L3MBTL1: variants seen among roughly 807,000 people sequenced by gnomAD.
The protein encoded by L3MBTL1 is lethal(3)malignant brain tumor-like protein 1.
In L3MBTL1, 75 loss-of-function variants were observed where a neutral mutation model predicts 105.3. That is an observed-to-expected ratio of 0.71 (90% CI 0.59 to 0.86). The LOEUF is 0.86. Ranked by LOEUF, L3MBTL1 falls within the 40% of genes least tolerant of loss-of-function variation. The pLI, the probability that L3MBTL1 is intolerant of heterozygous loss-of-function variation, is 0.00. For synonymous variants in L3MBTL1, 452 were observed against 436.2 expected, an observed-to-expected ratio of 1.04 and a Z score of -0.45; for missense variants, 1,069 against 1,126.4, an observed-to-expected ratio of 0.95 and a Z score of 0.73.
chr20:43,515,684 T>C (rs2018353512), intron 6 of L3MBTL1: 1 of 478,460 alleles, frequency 2.1e-6, no homozygotes, highest in Non-Finnish European at 3.8e-6. Context: ...CCAAAGTACA[T>C]GTGCAGGCAG....
At chr20:43,526,772 G>C (rs973523741) in intron 7 of L3MBTL1, among the ~76,000 whole-genome samples, 2 of 152,160 alleles carry the variant, frequency 1.3e-5, no homozygotes, top group Non-Finnish European at 2.9e-5. Flanking sequence ...CCAACATGGT[G>C]AAACCCCGTC....
At chr20:43,537,314 G>A (rs1472937928) in intron 19 of L3MBTL1, among the ~76,000 whole-genome samples, 1 of 152,204 alleles carries the variant, frequency 6.6e-6, no homozygotes, top group African/African-American at 2.4e-5. Flanking sequence ...GTGTTGGCAG[G>A]CTTGATTTCT....
At chr20:43,521,175 C>T (rs964458748) in intron 7 of L3MBTL1, among the ~76,000 whole-genome samples, 9 of 152,190 alleles carry the variant, frequency 5.9e-5, no homozygotes, top group African/African-American at 2.2e-4. Context: ...ATAGGAGAGG[C>T]AAACACACAA....
In L3MBTL1 at chr20:43,514,629, C is replaced by T. The variant is rs1568917738; in HGVS notation, c.361-6C>T. ...GTCGCAATCCTCAGACCCTCCCGCGCTCCAGTTCCGGATAAGCGAGTATAA... is the reference window on the plus strand; with the variant it reads ...GTCGCAATCCTCAGACCCTCCCGCGTTCCAGTTCCGGATAAGCGAGTATAA... On this transcript the variant is annotated splice_region_variant and splice_polypyrimidine_tract_variant and intron_variant, in intron 3 of 21. Transcript: ENST00000418998. The T allele has an allele frequency of 6.3e-7, 1 of 1,598,498 alleles. No homozygotes were observed. The highest frequency in any genetic ancestry group is 1.7e-5 in the Admixed American group (1 of 57,830).
At chr20:43,530,737 G>C in intron 10 of L3MBTL1, 61 bp from the exon 11 acceptor site, 1 of 1,466,582 alleles carries the variant, frequency 6.8e-7, no homozygotes, top group Non-Finnish European at 9.5e-7. Flanking sequence ...TCACTGTGGG[G>C]TGCCCTTGCT....
intron 7 of L3MBTL1, among the ~76,000 whole-genome samples, chr20:43,518,509 A>G (rs2018523178): frequency 6.6e-6 from 1 of 152,092 alleles, no homozygotes; most frequent in South Asian, 2.1e-4. Context: ...GTGAATGATG[A>G]TTTTCTAACA....
At position 43,547,379 on chromosome 20, in the gene L3MBTL1, C is replaced by T. The variant is rs565065863; in HGVS notation, c.2125-732C>T. On this transcript the variant is annotated intron_variant, in intron 18 of 18. Coordinates refer to the L3MBTL1 transcript ENST00000422861. ...TCTGCCTCCCAAAGTGCTGGGATTA[C>T]AGGCGTGAGCCACCGCGCCCGGCCA... Among the ~76,000 whole-genome samples the T allele has an allele frequency of 2.2e-4, 34 of 152,344 alleles. No individual in the cohort carries two copies. In the South Asian group the frequency reaches 3.1e-3, roughly 14 times the overall value.
At chr20:43,534,599 C>T (rs2019510089) in intron 15 of L3MBTL1, 2 of 609,562 alleles carry the variant, frequency 3.3e-6, no homozygotes, top group Non-Finnish European at 5.8e-6. Context: ...GTAAAATGGG[C>T]CTAATAATCC....
At chr20:43,519,804 T>C (rs925105253) in intron 7 of L3MBTL1, among the ~76,000 whole-genome samples, 1 of 152,202 alleles carries the variant, frequency 6.6e-6, no homozygotes, top group Non-Finnish European at 1.5e-5. Flanking sequence ...CTTGGTTTTT[T>C]GTTTTTTCTA....
At chr20:43,509,714 G>C (rs575586100) in intron 1 of L3MBTL1, among the ~76,000 whole-genome samples, 126 of 152,316 alleles carry the variant, frequency 8.3e-4, no homozygotes, top group African/African-American at 3.0e-3. Context: ...CTGGAAAAGA[G>C]GCAGCGAACC....
chr20:43,533,892 G>C, intron 13 of L3MBTL1, 116 bp from the exon 14 acceptor site: 1 of 758,536 alleles, frequency 1.3e-6, no homozygotes, highest in East Asian at 2.4e-5. Flanking sequence ...GGTGATGGTG[G>C]GAGAGATTCT....
At position 43,514,643 on chromosome 20, in the gene L3MBTL1, A is replaced by G; in HGVS notation, c.369A>G (p.Ile123Met). ...PPPGGGLRFR[I>M]SEYKPLNMAG... ...ACCCTCCCGCGCTCCAGTTCCGGAT[A>G]AGCGAGTATAAGCCGCTGAACATGG... The change falls in exon 4 of 22, where the codon ATA becomes ATG. Residue 123 changes from isoleucine (I) to methionine (M), a missense_variant. Transcript: ENST00000418998. 1 of 1,597,506 alleles carries G rather than the reference A, an allele frequency of 6.3e-7. No homozygotes were observed. Among genetic ancestry groups the G allele is most frequent in the Non-Finnish European group, 8.5e-7 (1 of 1,172,144 alleles).
At chr20:43,546,321 A>G (rs1267768978), downstream of L3MBTL1, among the ~76,000 whole-genome samples, 1 of 152,212 alleles carries the variant, frequency 6.6e-6, no homozygotes, top group African/African-American at 2.4e-5. Context: ...CCTGAGCTGC[A>G]TGAGTCATGT....
chr20:43,527,805 C>CG (rs2145437926), intron 7 of L3MBTL1, among the ~76,000 whole-genome samples: 1 of 152,064 alleles, frequency 6.6e-6, no homozygotes, highest in East Asian at 1.9e-4. Flanking sequence ...CTGCAGCCTC[C>CG]GCCTCCTGGA....
At chr20:43,521,354 A>G (rs950332902) in intron 7 of L3MBTL1, among the ~76,000 whole-genome samples, 7 of 152,174 alleles carry the variant, frequency 4.6e-5, no homozygotes, top group East Asian at 1.9e-4. Flanking sequence ...TTAATTATCT[A>G]TACTGAGATA....
chr20:43,541,714 T>G lies in L3MBTL1; in HGVS notation c.*586T>G, dbSNP rs1461570383. ...GGTTTCTGTATATGTTCCACTATAA[T>G]CTTATGGGACCATGGTTTTAAATGT... is the stretch of plus-strand genomic sequence containing the variant. On this transcript the variant is annotated 3_prime_UTR_variant, in exon 22 of 22. Transcript: ENST00000418998. 1.3e-5 allele frequency: 9 copies of G among 681,320 alleles called. No homozygotes were observed. The highest frequency in any genetic ancestry group is 1.6e-5 in the Non-Finnish European group (9 of 550,908). 42.2% of individuals were successfully genotyped at this position (681,320 alleles called of 1,614,324 possible).
intron 11 of L3MBTL1, chr20:43,531,188 C>T (rs574672958): frequency 8.0e-5 from 27 of 337,966 alleles, no homozygotes; most frequent in African/African-American, 5.5e-4. Flanking sequence ...TGTCATTGCT[C>T]ATATATTCTT....
In L3MBTL1 at chr20:43,529,338, G is replaced by A. The variant is rs371655802; in HGVS notation, c.1026G>A (p.Pro342=). 68 of 1,612,832 alleles carry A rather than the reference G, an allele frequency of 4.2e-5. No homozygotes were observed. Among genetic ancestry groups the A allele is most frequent in the Admixed American group, 1.5e-4 (9 of 59,930 alleles). ...TGGAAGGCATTGACCCTCAACACCC[G>A]TCCATGTACTTCATCCTCACCGTGG... ...MKLEGIDPQH[P]SMYFILTVAE... Residue 342 remains proline (P), a synonymous_variant, in exon 9 of 22, where the codon CCG becomes CCA. Transcript: ENST00000418998.
chr20:43,516,780 T>G (rs6073117), intron 7 of L3MBTL1, among the ~76,000 whole-genome samples: 36,102 of 151,896 alleles, frequency 0.24, 4,465 homozygotes, highest in East Asian at 0.43. Context: ...TTTTTTCTTT[T>G]TTAAAATTTT....
Sources: gnomAD v4.1 joint callset for allele counts (sites outside exome capture counted in the v4.1 genomes callset) on GRCh38, gnomAD v4.1.1 for gene constraint, MANE v1.5 for transcripts, NCBI Gene and HGNC (gene_info 2026-07-23, HGNC 2026-07-21) for gene names.